Variants in PPP3CC observed in about 807,000 individuals in gnomAD.
PPP3CC encodes serine/threonine-protein phosphatase 2B catalytic subunit gamma isoform.
PPP3CC carries 35 observed loss-of-function variants against 60.3 expected under a neutral mutation model. The observed-to-expected ratio is 0.58, with a 90% CI of 0.44 to 0.77. The LOEUF (loss-of-function observed/expected upper bound fraction) is 0.77, where lower values mean the gene tolerates loss of function less well. Ranked by LOEUF, PPP3CC falls within the 30% of genes least tolerant of loss-of-function variation. The probability of loss-of-function intolerance (pLI) is 0.00; values close to 1 mark genes in which losing one functional copy is unlikely to be tolerated. For synonymous variants in PPP3CC, 206 were observed against 224.3 expected, an observed-to-expected ratio of 0.92 and a Z score of 0.73; for missense variants, 570 against 628.9, an observed-to-expected ratio of 0.91 and a Z score of 1.00.
At chr8:22,448,630 C>T (rs763334515) in intron 1 of PPP3CC, among the ~76,000 whole-genome samples, 13 of 152,042 alleles carry the variant, frequency 8.6e-5, no homozygotes, top group Admixed American at 2.0e-4. Flanking sequence ...CTGCCCACCT[C>T]CGCCTCCCAA....
intron 4 of PPP3CC, among the ~76,000 whole-genome samples, chr8:22,506,284 A>G (rs1411320388): frequency 6.6e-6 from 1 of 152,102 alleles, no homozygotes; most frequent in Admixed American, 6.6e-5. Flanking sequence ...AAAAGAAGAA[A>G]CAGCATGAAG....
At chr8:22,462,234 C>A (rs918659665) in intron 1 of PPP3CC, among the ~76,000 whole-genome samples, 2 of 151,918 alleles carry the variant, frequency 1.3e-5, no homozygotes, top group African/African-American at 4.8e-5. Context: ...CAGAGGGAGA[C>A]CCTCTCTCTT....
At chr8:22,530,955 C>T (rs1359785051) in intron 10 of PPP3CC, among the ~76,000 whole-genome samples, 1 of 151,808 alleles carries the variant, frequency 6.6e-6, no homozygotes, top group South Asian at 2.1e-4. Flanking sequence ...TTCTGTCCTC[C>T]GTTTTTGTTC....
chr8:22,540,830 A>T lies in PPP3CC; in HGVS notation c.*28A>T, dbSNP rs187633019. The T allele has an allele frequency of 3.3e-6, 5 of 1,516,590 alleles. No homozygotes were observed. In the African/African-American group the frequency reaches 5.6e-5, roughly 17 times the overall value. The allele number at this position is 1,516,590 out of a possible 1,614,324, so 93.9% of individuals were successfully genotyped here. A position where few individuals can be genotyped will look rare whatever the true frequency, so the allele number is the denominator to read the frequency against. On this transcript the variant is annotated 3_prime_UTR_variant, in exon 14 of 14. Transcript: ENST00000240139. The stretch of plus-strand genomic sequence containing the variant: ...TAGAGTCCTGCCGTGGCTCAGGTGG[A>T]TCTAAAACTCAAGAACAAATTCTAT...
intron 3 of PPP3CC, among the ~76,000 whole-genome samples, chr8:22,478,530 G>A (rs1837967457): frequency 1.3e-5 from 2 of 152,180 alleles, no homozygotes; most frequent in African/African-American, 4.8e-5. Context: ...CTTTAAAATA[G>A]TTTTAATTCA....
chr8:22,447,096 T>C (rs543978854), intron 1 of PPP3CC, among the ~76,000 whole-genome samples: 240 of 151,364 alleles, frequency 1.6e-3, no homozygotes, highest in Middle Eastern at 0.014. Flanking sequence ...CAGCTTCAGC[T>C]TCCTGGGCTC....
At chr8:22,482,362 C>G (rs1838094457) in intron 3 of PPP3CC, among the ~76,000 whole-genome samples, 1 of 152,210 alleles carries the variant, frequency 6.6e-6, no homozygotes, top group African/African-American at 2.4e-5. Flanking sequence ...ATATCCTTTG[C>G]CCACTTTTTG....
rs1262204957 is a variant in PPP3CC at position 22,468,101 on chromosome 8, C to A, written c.50-6853C>A. ...AAATGTTGAATCAGAAGTTTCTAGT[C>A]ATTCTTTTTTTTGTTTTTTTGAGGC... On this transcript the variant is annotated intron_variant, in intron 1 of 13. Coordinates refer to ENST00000240139, the MANE Select transcript of PPP3CC (RefSeq NM_005605.5). Among the ~76,000 whole-genome samples, 6 of 152,166 alleles carry A rather than the reference C, an allele frequency of 3.9e-5. No individual in the cohort carries two copies. In the East Asian group the frequency reaches 1.2e-3, roughly 29 times the overall value.
At chr8:22,452,247 C>T (rs1837055834) in intron 1 of PPP3CC, among the ~76,000 whole-genome samples, 1 of 151,910 alleles carries the variant, frequency 6.6e-6, no homozygotes, top group South Asian at 2.1e-4. Flanking sequence ...GCTATGTTGC[C>T]CAGCCTGGTC....
intron 8 of PPP3CC, among the ~76,000 whole-genome samples, chr8:22,524,825 GT>G (rs773013931): frequency 7.9e-5 from 12 of 152,116 alleles, no homozygotes; most frequent in Non-Finnish European, 1.3e-4. Flanking sequence ...ACCTGGTTTT[GT>G]TCTTGATTAT....
intron 8 of PPP3CC, 97 bp downstream of exon 8, chr8:22,522,846 C>A: frequency 5.5e-6 from 5 of 910,058 alleles, no homozygotes; most frequent in Non-Finnish European, 6.5e-6. Context: ...CATTTTAAAA[C>A]ATAAATTTTA....
Position 22,511,222 on chromosome 8 carries a change from C to G in PPP3CC, c.621C>G (p.Asp207Glu). Residue 207 changes from aspartate to glutamate, a missense_variant, in exon 5 of 14, where the codon GAC becomes GAG. Coordinates refer to ENST00000240139, the MANE Select transcript of PPP3CC (RefSeq NM_005605.5). ...CACCTGAAATTACTTCTTTAGATGA[C>G]ATTAGGAAAGTAAGTAATCTTTTAT... ...GMSPEITSLD[D>E]IRKLDRFTEP... 1 of 1,611,476 alleles carries G rather than the reference C, an allele frequency of 6.2e-7. No homozygotes were observed. The highest frequency in any genetic ancestry group is 1.3e-5 in the African/African-American group (1 of 74,930).
chr8:22,521,648 C>A (rs925633419), intron 6 of PPP3CC, among the ~76,000 whole-genome samples: 2 of 152,058 alleles, frequency 1.3e-5, no homozygotes, highest in African/African-American at 4.8e-5. Context: ...TCACCTACAA[C>A]CTACTTTAAA....
At chr8:22,534,210 AAAAC>A (rs1393083449) in intron 12 of PPP3CC, among the ~76,000 whole-genome samples, 1 of 151,544 alleles carries the variant, frequency 6.6e-6, no homozygotes, top group African/African-American at 2.4e-5. Flanking sequence ...AAAAAAAAAA[AAAAC>A]AAACACCACA....
chr8:22,477,211 T>C (rs1837916151), intron 3 of PPP3CC, among the ~76,000 whole-genome samples: 1 of 152,112 alleles, frequency 6.6e-6, no homozygotes, highest in Non-Finnish European at 1.5e-5. Context: ...GCGCAATGGC[T>C]CATGCCTGTA....
At chr8:22,489,038 A>ATTTTTT (rs111415785) in intron 3 of PPP3CC, among the ~76,000 whole-genome samples, 7 of 147,896 alleles carry the variant, frequency 4.7e-5, no homozygotes, top group Admixed American at 1.4e-4. Context: ...TATTGGAGGA[A>ATTTTTT]TTTTTTTTTT....
At chr8:22,530,897 C>A (rs1240395730) in intron 10 of PPP3CC, among the ~76,000 whole-genome samples, 1 of 146,276 alleles carries the variant, frequency 6.8e-6, no homozygotes, top group Non-Finnish European at 1.5e-5. Context: ...GCTATAGAAT[C>A]CATTAAACAA....
intron 1 of PPP3CC, among the ~76,000 whole-genome samples, chr8:22,441,813 C>T (rs1031311376): frequency 6.6e-6 from 1 of 152,148 alleles, no homozygotes; most frequent in African/African-American, 2.4e-5. Flanking sequence ...GTCGACTCTT[C>T]CAAGTAAGAT....
At chr8:22,448,385 T>TG (rs1384038275) in intron 1 of PPP3CC, among the ~76,000 whole-genome samples, 2 of 150,908 alleles carry the variant, frequency 1.3e-5, no homozygotes, top group African/African-American at 2.4e-5. Flanking sequence ...TTTTTTGTTT[T>TG]TTTTTTTTTT....
Sources: gnomAD v4.1 joint callset for allele counts (sites outside exome capture counted in the v4.1 genomes callset) on GRCh38, gnomAD v4.1.1 for gene constraint, MANE v1.5 for transcripts, NCBI Gene and HGNC (gene_info 2026-07-23, HGNC 2026-07-21) for gene names.